MAP4K4: variants seen among roughly 807,000 people sequenced by gnomAD.
The protein encoded by MAP4K4 is HPK/GCK-like kinase HGK.
A neutral mutation model predicts 189.6 loss-of-function variants in MAP4K4; 38 were observed. The observed-to-expected ratio is 0.20, with a 90% CI of 0.15 to 0.26. The LOEUF (loss-of-function observed/expected upper bound fraction) is 0.26, where lower values mean the gene tolerates loss of function less well. Ranked by LOEUF, MAP4K4 falls within the 10% of genes least tolerant of loss-of-function variation. The probability of loss-of-function intolerance (pLI) is 1.00; values close to 1 mark genes in which losing one functional copy is unlikely to be tolerated. For synonymous variants in MAP4K4, 610 were observed against 624.3 expected (o/e 0.98, Z 0.34); for missense variants, 1,054 against 1,726.9 (o/e 0.61, Z 6.91).
intron 2 of MAP4K4, among the ~76,000 whole-genome samples, chr2:101,725,494 G>A (rs2054807756): frequency 1.3e-5 from 2 of 152,116 alleles, no homozygotes; most frequent in South Asian, 2.1e-4. Context: ...ATCACAAAAG[G>A]TAAATGGTAA....
rs568524542 is a variant in MAP4K4 at position 101,885,292 on chromosome 2, C to A, written c.3621+5C>A. ...CACAAATTTATGGCCTTTAAGGTAACAACATCAAGTGAATTTAAAAGTAGT... is the reference window on the plus strand; with the variant it reads ...CACAAATTTATGGCCTTTAAGGTAAAAACATCAAGTGAATTTAAAAGTAGT... On this transcript the variant is annotated splice_donor_5th_base_variant and intron_variant, in intron 29 of 32. Transcript: ENST00000324219. The A allele has an allele frequency of 1.5e-4, 225 of 1,546,288 alleles. 2 individuals carry two copies. In the South Asian group the frequency reaches 2.5e-3, roughly 17 times the overall value.
chr2:101,715,425 G>C (rs931457654), intron 2 of MAP4K4, among the ~76,000 whole-genome samples: 1 of 152,128 alleles, frequency 6.6e-6, no homozygotes, highest in African/African-American at 2.4e-5. Context: ...AGTTTTTCTT[G>C]TACTGAAGAC....
chr2:101,734,086 A>G (rs1422133059), intron 2 of MAP4K4, among the ~76,000 whole-genome samples: 2 of 152,090 alleles, frequency 1.3e-5, no homozygotes, highest in African/African-American at 4.8e-5. Context: ...TTTTCCCATT[A>G]TTACTGACAC....
intron 2 of MAP4K4, among the ~76,000 whole-genome samples, chr2:101,735,333 T>C (rs186242270): frequency 3.6e-3 from 541 of 152,270 alleles, no homozygotes; most frequent in Non-Finnish European, 6.0e-3. Flanking sequence ...GCTAGCCCTA[T>C]TTATCTTCAT....
chr2:101,767,628 A>G (rs1284964424), intron 2 of MAP4K4, among the ~76,000 whole-genome samples: 1 of 152,050 alleles, frequency 6.6e-6, no homozygotes, highest in Admixed American at 6.5e-5. Flanking sequence ...CCAATGTCTC[A>G]CCTTTAGAGA....
chr2:101,737,304 T>A (rs1228455389), intron 2 of MAP4K4, among the ~76,000 whole-genome samples: 1 of 151,626 alleles, frequency 6.6e-6, no homozygotes, highest in Non-Finnish European at 1.5e-5. Context: ...ATTTTGGTGA[T>A]GAGGCTTGTG....
intron 2 of MAP4K4, 128 bp downstream of exon 2, chr2:101,698,666 C>CT (rs2036129748): frequency 2.5e-6 from 2 of 815,124 alleles, no homozygotes; most frequent in Non-Finnish European, 4.1e-6. Flanking sequence ...AGAGGGGTTT[C>CT]TTTCGCCTTG....
chr2:101,742,500 C>G (rs2063302481), intron 2 of MAP4K4, among the ~76,000 whole-genome samples: 1 of 149,220 alleles, frequency 6.7e-6, no homozygotes, highest in South Asian at 2.2e-4. Flanking sequence ...CCTGACTTCT[C>G]CCTCTAGGAT....
chr2:101,791,606 G>A (rs1299887484), intron 3 of MAP4K4, among the ~76,000 whole-genome samples: 1 of 152,112 alleles, frequency 6.6e-6, no homozygotes, highest in African/African-American at 2.4e-5. Context: ...GGAGATTTAG[G>A]ATAACTTTAA....
At chr2:101,731,700 G>A (rs183374321) in intron 2 of MAP4K4, among the ~76,000 whole-genome samples, 6 of 151,564 alleles carry the variant, frequency 4.0e-5, no homozygotes, top group East Asian at 3.9e-4. Context: ...ACAGTGAGTC[G>A]TGTTGGTGCC....
intron 26 of MAP4K4, among the ~76,000 whole-genome samples, chr2:101,876,780 CCTTT>C (rs2098218336): frequency 6.6e-6 from 1 of 152,136 alleles, no homozygotes; most frequent in Admixed American, 6.5e-5. Context: ...TTTCCCTTAT[CCTTT>C]CTTATGTTTA....
intron 12 of MAP4K4, among the ~76,000 whole-genome samples, chr2:101,850,568 A>G (rs1283548771): frequency 6.6e-6 from 1 of 152,184 alleles, no homozygotes; most frequent in East Asian, 1.9e-4. Flanking sequence ...TAACATTAGG[A>G]GTACATGTTA....
Position 101,866,587 on chromosome 2 carries a change from G to A in MAP4K4, c.2356+8G>A. 3 of 1,608,294 alleles carry A rather than the reference G, an allele frequency of 1.9e-6. No individual in the cohort carries two copies. Among genetic ancestry groups the A allele is most frequent in the South Asian group, 1.1e-5 (1 of 90,852 alleles). ...AACGCTTCAGAGTGAGATGTAAGCTGCCTTTCCTTTCCTTTTTCCCTGCTA... is the reference window on the plus strand; with the variant it reads ...AACGCTTCAGAGTGAGATGTAAGCTACCTTTCCTTTCCTTTTTCCCTGCTA... On this transcript the variant is annotated splice_region_variant and intron_variant, in intron 19 of 32. Transcript: ENST00000324219.
rs544625228 is a variant in MAP4K4, at chr2:101,812,896, G to A, written c.181-11032G>A. Among the ~76,000 whole-genome samples, 3 of 152,290 alleles carry A rather than the reference G, an allele frequency of 2.0e-5. No homozygotes were observed. In the East Asian group the frequency reaches 5.8e-4, roughly 29 times the overall value. ...TAATCCCAGCACTTTGGGAGGCCGA[G>A]GTGGGCGGATCACGAAGTCAGGAGA... On this transcript the variant is annotated intron_variant, in intron 3 of 32. Transcript: ENST00000324219.
chr2:101,826,506 T>TA (rs1412115092), intron 5 of MAP4K4, among the ~76,000 whole-genome samples: 27 of 152,344 alleles, frequency 1.8e-4, no homozygotes, highest in African/African-American at 6.0e-4. Flanking sequence ...TTATGACTAT[T>TA]ATAGAAAGCA....
At chr2:101,759,132 CAAAAAAAAAGAAA>C (rs1410363226) in intron 2 of MAP4K4, among the ~76,000 whole-genome samples, 2 of 58,328 alleles carry the variant, frequency 3.4e-5, no homozygotes, top group East Asian at 5.7e-4. Context: ...GACTCCATCT[CAAAAAAAAAGAAA>C]AAAAAAAAAG....
At position 101,852,586 on chromosome 2, in the gene MAP4K4, G is replaced by A. The variant is rs150883537; in HGVS notation, c.1234-3391G>A. 2.9e-4 allele frequency among the ~76,000 whole-genome samples: 44 copies of A among 152,116 alleles called. No individual in the cohort carries two copies. In the East Asian group the frequency reaches 8.1e-3, roughly 28 times the overall value. The stretch of plus-strand genomic sequence containing the variant: ...GTTGAAGTTGAACTTTTTATATAGC[G>A]TATCCTGTTTGTAAGATGTTGTTTG... On this transcript the variant is annotated intron_variant, in intron 12 of 32. Transcript: ENST00000324219.
intron 10 of MAP4K4, 83 bp from the exon 11 acceptor site, chr2:101,842,526 A>T: frequency 2.1e-6 from 2 of 944,124 alleles, no homozygotes; most frequent in Non-Finnish European, 3.2e-6. Context: ...TTTTCTGCCA[A>T]GGTGCTCCTG....
intron 2 of MAP4K4, among the ~76,000 whole-genome samples, chr2:101,704,792 G>C (rs1440261144): frequency 6.6e-6 from 1 of 151,512 alleles, no homozygotes; most frequent in East Asian, 1.9e-4. Flanking sequence ...ACTCGAGTCA[G>C]GGTAAAGTTT....
Sources: allele counts gnomAD v4.1 joint callset (sites outside exome capture counted in the v4.1 genomes callset), GRCh38; gene constraint gnomAD v4.1.1; transcripts MANE v1.5; gene names NCBI Gene and HGNC (gene_info 2026-07-23, HGNC 2026-07-21).